The following TFCP2L1 variants were observed in gnomAD, a reference collection of about 807,000 sequenced individuals.
The protein encoded by TFCP2L1 is transcription factor CP2-like protein 1.
A neutral mutation model predicts 72.2 loss-of-function variants in TFCP2L1; 12 were observed. That is an observed-to-expected ratio of 0.17 (90% CI 0.11 to 0.27). TFCP2L1 has a LOEUF of 0.27. Among genes scored for constraint, TFCP2L1 ranks in the 10% least tolerant of loss-of-function variants. The pLI is 1.00. For missense variants in TFCP2L1, 488 were observed against 624.6 expected, an observed-to-expected ratio of 0.78 and a Z score of 2.33; for synonymous variants, 260 against 251.0, an observed-to-expected ratio of 1.04 and a Z score of -0.34.
At position 121,276,311 on chromosome 2, in the gene TFCP2L1, C is replaced by T. The variant is rs546832958; in HGVS notation, c.214+4809G>A. ...ACTCCCACTTATGAGTGAGAATATGCGGAGTTTGGTTTTCTGTTCCTGTGT... is the reference window on the plus strand; with the variant it reads ...ACTCCCACTTATGAGTGAGAATATGTGGAGTTTGGTTTTCTGTTCCTGTGT... On this transcript the variant is annotated intron_variant, in intron 2 of 14. Transcript: ENST00000263707. 5.1e-5 allele frequency among the ~76,000 whole-genome samples: 7 copies of T among 136,270 alleles called. No homozygotes were observed. The East Asian group carries it at 6.2e-4, about 12-fold the overall frequency. The allele number at this position is 136,270 out of a possible 152,430, so 89.4% of individuals were successfully genotyped here.
At position 121,235,273 on chromosome 2, in the gene TFCP2L1, G is replaced by C; in HGVS notation, c.1042C>G (p.Gln348Glu). ...LLKMSRDDLV[Q>E]ICGPADGIRL... ...ATCCCATCTGCGGGACCACAGATCT[G>C]GACCAAATCATCTCGGGACATCTTC... The change falls in exon 11 of 15, where the codon CAG becomes GAG. Residue 348 changes from glutamine (Q) to glutamate (E), a missense_variant. This residue lies in a region of TFCP2L1 where 286 missense variants were observed against 329.0 expected (regional missense o/e 0.87). Coordinates refer to ENST00000263707, the MANE Select transcript of TFCP2L1 (RefSeq NM_014553.3). 1.2e-6 allele frequency: 2 copies of C among 1,614,138 alleles called. No individual in the cohort carries two copies. The highest frequency in any genetic ancestry group is 2.2e-5 in the South Asian group (2 of 91,072).
intron 8 of TFCP2L1, among the ~76,000 whole-genome samples, chr2:121,239,169 C>A (rs1686310968): frequency 6.6e-6 from 1 of 152,120 alleles, no homozygotes; most frequent in African/African-American, 2.4e-5. Flanking sequence ...CCTAGCCAGA[C>A]CCTCTCACCC....
chr2:121,269,113 A>C (rs1209874218), intron 2 of TFCP2L1, among the ~76,000 whole-genome samples: 1 of 152,086 alleles, frequency 6.6e-6, no homozygotes, highest in Non-Finnish European at 1.5e-5. Flanking sequence ...AAAAATAATT[A>C]AGGTGAAGTC....
intron 2 of TFCP2L1, among the ~76,000 whole-genome samples, chr2:121,266,343 A>T (rs1686930066): frequency 6.6e-6 from 1 of 151,936 alleles, no homozygotes; most frequent in Non-Finnish European, 1.5e-5. Context: ...GGAAAGTAAC[A>T]CTTACTGAGA....
At chr2:121,273,003 C>G (rs547763847) in intron 2 of TFCP2L1, among the ~76,000 whole-genome samples, 30 of 152,124 alleles carry the variant, frequency 2.0e-4, no homozygotes, top group Non-Finnish European at 3.2e-4. Context: ...GCTTAGGATT[C>G]CTGGGATAGA....
rs773857729 is a variant in TFCP2L1 at position 121,285,135 on chromosome 2, G to A, written c.-26C>T. On this transcript the variant is annotated 5_prime_UTR_variant, in exon 1 of 15. Coordinates refer to ENST00000263707, the MANE Select transcript of TFCP2L1 (RefSeq NM_014553.3). ...GGCTGGAACTCCCAGCGCGCCGACC[G>A]GGGCGCGGCAGCAAGCGCAGACGCG... 496 of 1,473,494 alleles carry A rather than the reference G, an allele frequency of 3.4e-4. No individual in the cohort carries two copies. The highest frequency in any genetic ancestry group is 4.4e-4 in the Non-Finnish European group (485 of 1,109,812). 91.3% of individuals were successfully genotyped at this position (1,473,494 alleles called of 1,614,324 possible).
At chr2:121,278,909 C>T (rs1193571046) in intron 2 of TFCP2L1, among the ~76,000 whole-genome samples, 1 of 151,586 alleles carries the variant, frequency 6.6e-6, no homozygotes, top group East Asian at 1.9e-4. Flanking sequence ...GAGGCTGAGG[C>T]AGGAGAATTG....
chr2:121,260,480 G>A (rs1032591535), intron 2 of TFCP2L1, among the ~76,000 whole-genome samples: 4 of 152,168 alleles, frequency 2.6e-5, no homozygotes, highest in Admixed American at 6.5e-5. Flanking sequence ...AACAGGTATC[G>A]TATGCGCCCT....
chr2:121,226,443 G>C (rs1686033857), intron 13 of TFCP2L1, among the ~76,000 whole-genome samples: 1 of 151,718 alleles, frequency 6.6e-6, no homozygotes, highest in African/African-American at 2.4e-5. Context: ...CTCTATAACG[G>C]ATGCATTACA....
intron 6 of TFCP2L1, among the ~76,000 whole-genome samples, chr2:121,243,151 C>A (rs932727481): frequency 2.6e-5 from 4 of 152,240 alleles, no homozygotes; most frequent in African/African-American, 9.6e-5. Context: ...GCCTTCTCGA[C>A]CTTGCTATGT....
At chr2:121,225,674 G>A (rs142410936) in intron 13 of TFCP2L1, 61 bp from the exon 14 acceptor site, 71 of 1,585,252 alleles carry the variant, frequency 4.5e-5, no homozygotes, top group East Asian at 1.6e-4. Context: ...GGAAAGCCTC[G>A]GTGGCAGAGC....
At chr2:121,255,139 G>C (rs1367183711) in intron 2 of TFCP2L1, among the ~76,000 whole-genome samples, 1 of 152,222 alleles carries the variant, frequency 6.6e-6, no homozygotes, top group African/African-American at 2.4e-5. Flanking sequence ...CACGTGCTGG[G>C]CACAAGACAG....
chr2:121,220,304 C>G lies in TFCP2L1; in HGVS notation c.*4037G>C, dbSNP rs1034074685. On this transcript the variant is annotated 3_prime_UTR_variant, in exon 15 of 15. Coordinates refer to ENST00000263707, the MANE Select transcript of TFCP2L1 (RefSeq NM_014553.3). The stretch of plus-strand genomic sequence containing the variant: ...AACACCTGACCTTTGTTTAGGACCC[C>G]AAGTCAAAGCCTCGACCTCCCCACC... 3 of 152,200 alleles carry G rather than the reference C, an allele frequency of 2.0e-5. No homozygotes were observed. The highest frequency in any genetic ancestry group is 7.2e-5 in the African/African-American group (3 of 41,406). The allele number at this position is 152,200 out of a possible 1,614,324, so 9.4% of individuals were successfully genotyped here. A position where few individuals can be genotyped will look rare whatever the true frequency, so the allele number is the denominator to read the frequency against.
At chr2:121,275,831 A>G (rs6727184) in intron 2 of TFCP2L1, among the ~76,000 whole-genome samples, 2,467 of 152,302 alleles carry the variant, frequency 0.016, 80 homozygotes, top group African/African-American at 0.056. Flanking sequence ...TCAGCCTCCC[A>G]AAGTGCTGGG....
intron 6 of TFCP2L1, 63 bp from the exon 7 acceptor site, chr2:121,242,532 T>G: frequency 6.6e-7 from 1 of 1,515,262 alleles, no homozygotes; most frequent in East Asian, 2.3e-5. Flanking sequence ...CCCCAAGCCC[T>G]CTCCTGCTTC....
chr2:121,219,908 C>T lies in TFCP2L1; in HGVS notation c.*4433G>A, dbSNP rs1384958113. 1.3e-5 allele frequency: 2 copies of T among 152,170 alleles called. No homozygotes were observed. The highest frequency in any genetic ancestry group is 3.9e-4 in the East Asian group (2 of 5,192). The allele number at this position is 152,170 out of a possible 1,614,324, so 9.4% of individuals were successfully genotyped here. A position where few individuals can be genotyped will look rare whatever the true frequency, so the allele number is the denominator to read the frequency against. Reference sequence around the variant, plus strand: ...AGAGACCCAGAGAGGCAAAGAGACTCATACTGAGCGAGGGTCTGGGATCTA... The same window carrying T: ...AGAGACCCAGAGAGGCAAAGAGACTTATACTGAGCGAGGGTCTGGGATCTA... On this transcript the variant is annotated 3_prime_UTR_variant, in exon 15 of 15. Transcript: ENST00000263707.
chr2:121,260,870 C>T (rs1007127603), intron 2 of TFCP2L1, among the ~76,000 whole-genome samples: 3 of 152,196 alleles, frequency 2.0e-5, no homozygotes, highest in Non-Finnish European at 2.9e-5. Flanking sequence ...GGCAATTGCC[C>T]GAGCTAGCCA....
At chr2:121,284,292 G>C (rs1177317006) in intron 1 of TFCP2L1, among the ~76,000 whole-genome samples, 1 of 152,222 alleles carries the variant, frequency 6.6e-6, no homozygotes, top group African/African-American at 2.4e-5. Context: ...AGTTCACAAA[G>C]TGAAATGACT....
At chr2:121,270,124 C>T (rs937850059) in intron 2 of TFCP2L1, among the ~76,000 whole-genome samples, 1 of 151,886 alleles carries the variant, frequency 6.6e-6, no homozygotes, top group African/African-American at 2.4e-5. Context: ...TATTTCACAT[C>T]ATTGAGGAAA....
Sources: allele counts gnomAD v4.1 joint callset (sites outside exome capture counted in the v4.1 genomes callset), GRCh38; gene constraint gnomAD v4.1.1; regional missense constraint gnomAD v4.1.1; transcripts MANE v1.5; gene names NCBI Gene and HGNC (gene_info 2026-07-23, HGNC 2026-07-21).